MRAS: variants seen among roughly 807,000 people sequenced by gnomAD.
MRAS encodes the protein ras-related protein M-Ras.
In MRAS, 4 loss-of-function variants were observed where a neutral mutation model predicts 20.9. That is an observed-to-expected ratio of 0.19 (90% CI 0.09 to 0.44). MRAS has a LOEUF of 0.44. MRAS is among the 20% of genes least tolerant of loss of function. MRAS has a pLI of 0.99. For synonymous variants in MRAS, 98 were observed against 102.9 expected (o/e 0.95, Z 0.29); for missense variants, 154 against 277.5 (o/e 0.56, Z 3.16).
Position 138,402,285 on chromosome 3 carries a change from G to C in MRAS, c.*16G>C, listed in dbSNP as rs1295790523. The C allele has an allele frequency of 6.2e-7, 1 of 1,610,976 alleles. No individual in the cohort carries two copies. The highest frequency in any genetic ancestry group is 1.3e-5 in the African/African-American group (1 of 74,866). On this transcript the variant is annotated 3_prime_UTR_variant, in exon 6 of 6. Coordinates refer to ENST00000423968, the MANE Select transcript of MRAS (RefSeq NM_001085049.3). ...GATCTTGTGACAGGCCTGAGGCCCT[G>C]GGCACAGTGACGGTGGCCTGGCCAG...
At chr3:138,377,870 A>G (rs996666622) in intron 2 of MRAS, among the ~76,000 whole-genome samples, 2 of 152,260 alleles carry the variant, frequency 1.3e-5, no homozygotes, top group South Asian at 4.1e-4. Context: ...GGCCCGTGCT[A>G]AGCACATTGC....
intron 1 of MRAS, among the ~76,000 whole-genome samples, chr3:138,358,012 C>CT (rs901325459): frequency 6.6e-6 from 1 of 152,208 alleles, no homozygotes; most frequent in Admixed American, 6.5e-5. Context: ...AACAATCTGT[C>CT]TTAGACTAGG....
intron 1 of MRAS, among the ~76,000 whole-genome samples, chr3:138,365,046 C>A (rs1047365724): frequency 6.6e-6 from 1 of 152,218 alleles, no homozygotes; most frequent in African/African-American, 2.4e-5. Context: ...GGCTCTGGAA[C>A]CACACTGTGT....
intron 4 of MRAS, chr3:138,400,276 C>T: frequency 4.9e-6 from 2 of 412,194 alleles, no homozygotes; most frequent in South Asian, 9.0e-5. Flanking sequence ...AAAAAGATCA[C>T]TTTATTCTAT....
chr3:138,393,889 C>T (rs942012991), intron 2 of MRAS, among the ~76,000 whole-genome samples: 3 of 152,006 alleles, frequency 2.0e-5, no homozygotes, highest in African/African-American at 4.8e-5. Flanking sequence ...TGGGGTTTCA[C>T]GATGTTGGCC....
intron 1 of MRAS, among the ~76,000 whole-genome samples, chr3:138,368,417 T>TA (rs1329209050): frequency 3.3e-5 from 5 of 152,314 alleles, no homozygotes; most frequent in African/African-American, 7.2e-5. Context: ...ATTTCATGCT[T>TA]AGAGCAATCC....
intron 4 of MRAS, chr3:138,400,238 T>C (rs928930606): frequency 7.2e-5 from 21 of 293,314 alleles, no homozygotes; most frequent in African/African-American, 3.7e-4. Flanking sequence ...TTTTGATAAA[T>C]GAAACAGTCT....
intron 5 of MRAS, among the ~76,000 whole-genome samples, chr3:138,401,842 C>A (rs1348730098): frequency 3.9e-5 from 6 of 152,202 alleles, no homozygotes; most frequent in Non-Finnish European, 1.5e-5. Flanking sequence ...TAGAGGCCAG[C>A]ACTCTATAAG....
chr3:138,380,591 G>A (rs1003338269), intron 2 of MRAS, among the ~76,000 whole-genome samples: 11 of 151,754 alleles, frequency 7.2e-5, no homozygotes, highest in Admixed American at 1.3e-4. Flanking sequence ...GATTATAGGC[G>A]TGAGCCACCG....
chr3:138,352,443 G>T (rs796505462), intron 1 of MRAS, among the ~76,000 whole-genome samples: 43 of 152,232 alleles, frequency 2.8e-4, no homozygotes, highest in African/African-American at 1.0e-3. Context: ...GCTTCTTTTT[G>T]TTGTTGTTAT....
intron 2 of MRAS, among the ~76,000 whole-genome samples, chr3:138,394,508 C>T (rs964695804): frequency 1.3e-5 from 2 of 152,186 alleles, no homozygotes; most frequent in Non-Finnish European, 2.9e-5. Context: ...TCCCAGGCAT[C>T]GCTGGATAGC....
chr3:138,376,221 G>T (rs1560173854), intron 2 of MRAS, among the ~76,000 whole-genome samples: 1 of 152,132 alleles, frequency 6.6e-6, no homozygotes, highest in Non-Finnish European at 1.5e-5. Context: ...CATTGTTCCT[G>T]CAGAAACACT....
At chr3:138,388,978 A>G (rs979418959) in intron 2 of MRAS, among the ~76,000 whole-genome samples, 21 of 151,838 alleles carry the variant, frequency 1.4e-4, no homozygotes, top group African/African-American at 5.1e-4. Context: ...AGGTGCTGGG[A>G]TTACAGGTAC....
chr3:138,365,303 C>G (rs1358812928), intron 1 of MRAS, among the ~76,000 whole-genome samples: 1 of 152,238 alleles, frequency 6.6e-6, no homozygotes, highest in Non-Finnish European at 1.5e-5. Context: ...CATACCTACT[C>G]TGAGACTCAG....
chr3:138,400,802 C>T (rs568651825), intron 5 of MRAS, among the ~76,000 whole-genome samples, 189 bp downstream of exon 5: 12 of 152,134 alleles, frequency 7.9e-5, no homozygotes, highest in Non-Finnish European at 1.3e-4. Flanking sequence ...CTGCCCTCCC[C>T]GCAGCTGCTA....
chr3:138,370,444 G>A (rs1328707256), intron 1 of MRAS, among the ~76,000 whole-genome samples: 4 of 152,302 alleles, frequency 2.6e-5, no homozygotes, highest in African/African-American at 9.6e-5. Context: ...GAGAGGCAAA[G>A]GAGAGAGGCC....
At chr3:138,392,350 G>A (rs1419221682) in intron 2 of MRAS, among the ~76,000 whole-genome samples, 2 of 152,158 alleles carry the variant, frequency 1.3e-5, no homozygotes, top group Non-Finnish European at 2.9e-5. Context: ...TGGGATTACA[G>A]GGATGAGCCA....
chr3:138,399,199 C>T (rs2055307361), intron 4 of MRAS, among the ~76,000 whole-genome samples: 2 of 152,232 alleles, frequency 1.3e-5, no homozygotes, highest in African/African-American at 4.8e-5. Flanking sequence ...GTGCGTCATT[C>T]TGAGCTCAGT....
chr3:138,369,456 G>T (rs957983844), intron 1 of MRAS, among the ~76,000 whole-genome samples: 7 of 152,122 alleles, frequency 4.6e-5, no homozygotes, highest in Admixed American at 3.9e-4. Flanking sequence ...CCACAAACCT[G>T]GTTGGGGGTG....
Sources: allele counts gnomAD v4.1 joint callset (sites outside exome capture counted in the v4.1 genomes callset), GRCh38; gene constraint gnomAD v4.1.1; transcripts MANE v1.5; gene names NCBI Gene and HGNC (gene_info 2026-07-23, HGNC 2026-07-21).